Variants in ADGRL2 observed in about 807,000 individuals in gnomAD.
The protein encoded by ADGRL2 is adhesion G protein-coupled receptor L2, also known as calcium-independent alpha-latrotoxin receptor 2.
In ADGRL2, 44 loss-of-function variants were observed where a neutral mutation model predicts 157.4. The ratio of observed to expected loss-of-function variants is 0.28; its 90% CI spans 0.22 to 0.36. ADGRL2 has a LOEUF of 0.36. Ranked by LOEUF, ADGRL2 falls within the 10% of genes least tolerant of loss-of-function variation. The pLI is 1.00. For synonymous variants in ADGRL2, 585 were observed against 624.7 expected (o/e 0.94, Z 0.95); for missense variants, 1,510 against 1,768.9 (o/e 0.85, Z 2.63).
At chr1:81,504,034 G>C (rs569235414) in intron 2 of ADGRL2, among the ~76,000 whole-genome samples, 1 of 152,244 alleles carries the variant, frequency 6.6e-6, no homozygotes, top group South Asian at 2.1e-4. Context: ...CACAAGTCTT[G>C]AATCAGTCCT....
At chr1:81,724,478 T>C (rs1007306440) in intron 1 of ADGRL2, among the ~76,000 whole-genome samples, 1 of 152,146 alleles carries the variant, frequency 6.6e-6, no homozygotes, top group Non-Finnish European at 1.5e-5. Flanking sequence ...GAAAGACCCA[T>C]TGTCTTTGTA....
intron 2 of ADGRL2, among the ~76,000 whole-genome samples, chr1:81,505,336 C>T (rs992851568): frequency 2.0e-5 from 3 of 151,182 alleles, no homozygotes; most frequent in African/African-American, 7.3e-5. Context: ...GGCACTGGGC[C>T]CATTTGAAGG....
At chr1:81,484,051 G>A (rs1042013540) in intron 2 of ADGRL2, among the ~76,000 whole-genome samples, 11 of 151,946 alleles carry the variant, frequency 7.2e-5, no homozygotes, top group Admixed American at 4.6e-4. Flanking sequence ...ATTATAAAGA[G>A]ACCAGCTCCC....
intron 2 of ADGRL2, among the ~76,000 whole-genome samples, chr1:81,790,517 T>C (rs1290362003): frequency 6.6e-6 from 1 of 152,190 alleles, no homozygotes; most frequent in African/African-American, 2.4e-5. Flanking sequence ...TATGTAAATT[T>C]GTGTGTTTAT....
At chr1:81,543,231 G>T (rs965521461) in intron 2 of ADGRL2, among the ~76,000 whole-genome samples, 7 of 151,860 alleles carry the variant, frequency 4.6e-5, no homozygotes, top group Non-Finnish European at 1.0e-4. Flanking sequence ...AGGAAATGGG[G>T]CCTTTGCTAG....
At chr1:81,920,481 G>A (rs968673283) in intron 3 of ADGRL2, among the ~76,000 whole-genome samples, 6 of 152,064 alleles carry the variant, frequency 3.9e-5, no homozygotes, top group Admixed American at 2.0e-4. Flanking sequence ...CACTCCACAG[G>A]AACTGCCACG....
intron 2 of ADGRL2, among the ~76,000 whole-genome samples, chr1:81,854,975 G>A (rs1455095362): frequency 4.6e-5 from 7 of 152,112 alleles, no homozygotes; most frequent in African/African-American, 1.7e-4. Context: ...AATTTCAAAG[G>A]TGATTATATA....
intron 1 of ADGRL2, among the ~76,000 whole-genome samples, chr1:81,806,943 G>T (rs2089237509): frequency 6.6e-6 from 1 of 151,974 alleles, no homozygotes; most frequent in Non-Finnish European, 1.5e-5. Context: ...TTTGAGTCTT[G>T]AAGGGAGAGA....
chr1:81,804,566 T>C (rs745333172), intron 1 of ADGRL2, among the ~76,000 whole-genome samples: 5 of 152,242 alleles, frequency 3.3e-5, no homozygotes, highest in African/African-American at 4.8e-5. Context: ...TTCTGAACTT[T>C]TACTGTTTTG....
At chr1:81,556,212 CA>C (rs1370620141) in intron 2 of ADGRL2, among the ~76,000 whole-genome samples, 1 of 151,290 alleles carries the variant, frequency 6.6e-6, no homozygotes, top group African/African-American at 2.4e-5. Flanking sequence ...AGTCTTGAAA[CA>C]AGAGCGAATT....
intron 3 of ADGRL2, among the ~76,000 whole-genome samples, chr1:81,653,835 T>C (rs1236902413): frequency 6.6e-6 from 1 of 152,212 alleles, no homozygotes; most frequent in Non-Finnish European, 1.5e-5. Flanking sequence ...GATTGCCTAC[T>C]GAATATCTCC....
chr1:81,470,724 G>A (rs927581952), intron 2 of ADGRL2, among the ~76,000 whole-genome samples: 1 of 152,182 alleles, frequency 6.6e-6, no homozygotes, highest in African/African-American at 2.4e-5. Context: ...TGGATGTCAA[G>A]TCCTGGATGT....
intron 1 of ADGRL2, among the ~76,000 whole-genome samples, chr1:81,392,576 C>T (rs1185519611): frequency 3.3e-5 from 5 of 152,120 alleles, no homozygotes; most frequent in Non-Finnish European, 5.9e-5. Flanking sequence ...AACCACTCTC[C>T]ATTAGATAAG....
chr1:81,799,409 G>A (rs530620706), upstream of ADGRL2, among the ~76,000 whole-genome samples: 1 of 152,050 alleles, frequency 6.6e-6, no homozygotes, highest in African/African-American at 2.4e-5. Flanking sequence ...ATTATCAAAG[G>A]TTCTTTTTTA....
chr1:81,497,172 T>C (rs901647914), intron 2 of ADGRL2, among the ~76,000 whole-genome samples: 1 of 152,220 alleles, frequency 6.6e-6, no homozygotes, highest in Non-Finnish European at 1.5e-5. Context: ...TTTTCTTTAT[T>C]ATTTCTATTT....
intron 1 of ADGRL2, among the ~76,000 whole-genome samples, chr1:81,438,199 C>T (rs1392035913): frequency 6.6e-6 from 1 of 152,130 alleles, no homozygotes; most frequent in African/African-American, 2.4e-5. Flanking sequence ...CCAAAAATGG[C>T]TCTTTGAGAT....
Position 81,557,531 on chromosome 1 carries a change from A to AAAGAAAGAAAGAG in ADGRL2, c.-247-23334_-247-23333insAGAAGAAAGAAAG, listed in dbSNP as rs1557459430. The stretch of plus-strand genomic sequence containing the variant: ...AAAGAAAGAAAGAAAGAAAGAGAAG[A>AAAGAAAGAAAGAG]AAGAAAGAAAGCAAGAAAAAGAAAG... On this transcript the variant is annotated intron_variant, in intron 2 of 24. Transcript: ENST00000370721. 112 of 150,644 alleles carry AAAGAAAGAAAGAG rather than the reference A, an allele frequency of 7.4e-4. 1 individual carries two copies. Among genetic ancestry groups the AAAGAAAGAAAGAG allele is most frequent in the African/African-American group, 1.6e-3 (66 of 40,546 alleles). 9.3% of individuals were successfully genotyped at this position (150,644 alleles called of 1,614,324 possible).
At chr1:81,407,572 CT>C (rs1301227068) in intron 1 of ADGRL2, among the ~76,000 whole-genome samples, 1 of 152,216 alleles carries the variant, frequency 6.6e-6, no homozygotes, top group African/African-American at 2.4e-5. Context: ...CAATGATTCT[CT>C]TAAACCTGAT....
At chr1:81,828,992 AC>A (rs1350711631) in intron 1 of ADGRL2, among the ~76,000 whole-genome samples, 3 of 151,380 alleles carry the variant, frequency 2.0e-5, no homozygotes, top group African/African-American at 7.3e-5. Context: ...GCTCACTGCA[AC>A]CTCCTCCTCC....
Sources: allele counts gnomAD v4.1 joint callset (sites outside exome capture counted in the v4.1 genomes callset), GRCh38; gene constraint gnomAD v4.1.1; transcripts MANE v1.5; gene names NCBI Gene and HGNC (gene_info 2026-07-23, HGNC 2026-07-21).